Variants in CFAP54 observed in about 807,000 individuals in gnomAD.
CFAP54 encodes cilia- and flagella-associated protein 54.
In CFAP54, 290 loss-of-function variants were observed where a neutral mutation model predicts 370.4. The observed-to-expected ratio is 0.78, with a 90% CI of 0.71 to 0.86. The LOEUF is 0.86. Among genes scored for constraint, CFAP54 ranks in the 40% least tolerant of loss-of-function variants. The pLI is 0.00. For missense variants in CFAP54, 3,399 were observed against 3,528.7 expected (o/e 0.96, Z 0.93); for synonymous variants, 1,206 against 1,236.5 (o/e 0.98, Z 0.52).
chr12:96,807,621 T>G (rs7313219), intron 63 of CFAP54, among the ~76,000 whole-genome samples: 6 of 152,158 alleles, frequency 3.9e-5, no homozygotes, highest in African/African-American at 1.4e-4. Context: ...TCCTCCTGAA[T>G]CCACCCTGAA....
chr12:96,548,936 C>CCT (rs1343975847), intron 15 of CFAP54, among the ~76,000 whole-genome samples: 1 of 151,662 alleles, frequency 6.6e-6, no homozygotes, highest in Admixed American at 6.6e-5. Flanking sequence ...CTCACTGCAA[C>CCT]CTCTGCCTTC....
intron 19 of CFAP54, among the ~76,000 whole-genome samples, chr12:96,574,719 A>G (rs1565901030): frequency 6.6e-6 from 1 of 152,100 alleles, no homozygotes; most frequent in Admixed American, 6.6e-5. Flanking sequence ...AAAAGACAGT[A>G]TTATTACAGT....
At chr12:96,637,510 A>G (rs973430345) in intron 32 of CFAP54, among the ~76,000 whole-genome samples, 3 of 152,142 alleles carry the variant, frequency 2.0e-5, no homozygotes, top group African/African-American at 7.2e-5. Flanking sequence ...AAATTGACAA[A>G]CTGATTATAA....
At chr12:96,835,240 T>A (rs1218113775) in intron 66 of CFAP54, among the ~76,000 whole-genome samples, 1 of 152,026 alleles carries the variant, frequency 6.6e-6, no homozygotes. Context: ...TCTCTGCTGT[T>A]GGTAATCCTG....
At chr12:96,817,032 A>T (rs1958981905) in intron 64 of CFAP54, among the ~76,000 whole-genome samples, 2 of 152,158 alleles carry the variant, frequency 1.3e-5, no homozygotes, top group South Asian at 4.1e-4. Context: ...CCGTTGACTG[A>T]CCTTCTAGAG....
At chr12:96,665,785 T>C (rs1565934998) in intron 39 of CFAP54, among the ~76,000 whole-genome samples, 1 of 152,212 alleles carries the variant, frequency 6.6e-6, no homozygotes, top group Non-Finnish European at 1.5e-5. Flanking sequence ...TTGCTTAGTA[T>C]TATCTTGGCT....
At chr12:96,756,050 T>C (rs1173032209) in intron 56 of CFAP54, among the ~76,000 whole-genome samples, 1 of 152,170 alleles carries the variant, frequency 6.6e-6, no homozygotes, top group Non-Finnish European at 1.5e-5. Flanking sequence ...ATGTGAATAA[T>C]GCTACAATGA....
At chr12:96,715,834 A>G (rs1193328210) in intron 48 of CFAP54, among the ~76,000 whole-genome samples, 1 of 152,126 alleles carries the variant, frequency 6.6e-6, no homozygotes, top group East Asian at 1.9e-4. Flanking sequence ...AGAACATAAT[A>G]TATTTTCTCA....
At chr12:96,528,320 TG>T (rs1207198321) in intron 9 of CFAP54, among the ~76,000 whole-genome samples, 1 of 152,204 alleles carries the variant, frequency 6.6e-6, no homozygotes, top group Non-Finnish European at 1.5e-5. Flanking sequence ...GTCGATCAAA[TG>T]GCTTTCTCAT....
chr12:96,534,058 C>CA lies in CFAP54; in HGVS notation c.1540-2dup, dbSNP rs1237810929. Reference sequence around the variant, plus strand: ...AATTAACGTGTGGGATATACTTCCCCAAGAGGCAGGATGATCCAGAGTCAA... The same window carrying CA: ...AATTAACGTGTGGGATATACTTCCCCAAAGAGGCAGGATGATCCAGAGTCAA... On this transcript the variant is annotated splice_polypyrimidine_tract_variant and splice_region_variant and intron_variant, in intron 10 of 67. Transcript: ENST00000524981. 1.1e-5 allele frequency: 17 copies of CA among 1,513,538 alleles called. No individual in the cohort carries two copies. The highest frequency in any genetic ancestry group is 1.5e-5 in the Non-Finnish European group (17 of 1,137,668). The allele number at this position is 1,513,538 out of a possible 1,614,324, so 93.8% of individuals were successfully genotyped here.
At chr12:96,580,735 A>G (rs776732442) in intron 21 of CFAP54, 46 bp downstream of exon 21, 6 of 1,293,104 alleles carry the variant, frequency 4.6e-6, no homozygotes, top group Non-Finnish European at 6.3e-6. Context: ...GCCTTTAATG[A>G]TAATTAAATT....
At chr12:96,654,731 A>G (rs944445294) in intron 36 of CFAP54, among the ~76,000 whole-genome samples, 1 of 150,782 alleles carries the variant, frequency 6.6e-6, no homozygotes, top group African/African-American at 2.4e-5. Flanking sequence ...TTTGCTATCT[A>G]CCTTTCCACT....
chr12:96,682,429 G>A, intron 40 of CFAP54: 1 of 425,178 alleles, frequency 2.4e-6, no homozygotes, highest in Non-Finnish European at 3.1e-6. Context: ...GTGCAGTGGT[G>A]CCATCACAGC....
intron 65 of CFAP54, among the ~76,000 whole-genome samples, chr12:96,820,911 T>G (rs933473938): frequency 6.6e-6 from 1 of 152,214 alleles, no homozygotes; most frequent in Admixed American, 6.5e-5. Flanking sequence ...TATTCTTTGC[T>G]GAAATTGTCC....
At chr12:96,780,534 C>T (rs1313559977) in intron 60 of CFAP54, among the ~76,000 whole-genome samples, 1 of 151,956 alleles carries the variant, frequency 6.6e-6, no homozygotes, top group Non-Finnish European at 1.5e-5. Context: ...ACTGACTCAG[C>T]AAAGAAGTTT....
intron 61 of CFAP54, among the ~76,000 whole-genome samples, chr12:96,785,367 T>A (rs998350811): frequency 6.6e-6 from 1 of 151,958 alleles, no homozygotes; most frequent in Non-Finnish European, 1.5e-5. Context: ...ACTGATAAAA[T>A]CTGCTTCACA....
At chr12:96,753,068 A>T (rs562163404) in intron 55 of CFAP54, among the ~76,000 whole-genome samples, 12 of 152,246 alleles carry the variant, frequency 7.9e-5, no homozygotes, top group Admixed American at 3.3e-4. Flanking sequence ...AGCTCTTATT[A>T]TTTTCTTTTT....
chr12:96,701,914 A>G (rs1052670613), intron 46 of CFAP54, among the ~76,000 whole-genome samples: 16 of 152,168 alleles, frequency 1.1e-4, no homozygotes, highest in Non-Finnish European at 2.1e-4. Flanking sequence ...ATTAAATATG[A>G]AAGGACACTG....
intron 63 of CFAP54, among the ~76,000 whole-genome samples, chr12:96,799,840 T>G (rs943723841): frequency 1.3e-5 from 2 of 152,210 alleles, no homozygotes; most frequent in Admixed American, 1.3e-4. Flanking sequence ...ATAAATAGCA[T>G]TTTTTAAAAA....
Sources: gnomAD v4.1 joint callset for allele counts (sites outside exome capture counted in the v4.1 genomes callset) on GRCh38, gnomAD v4.1.1 for gene constraint, MANE v1.5 for transcripts, NCBI Gene and HGNC (gene_info 2026-07-23, HGNC 2026-07-21) for gene names.